Variants in TXNDC8 observed in about 807,000 individuals in gnomAD.
TXNDC8 encodes thioredoxin domain-containing protein 8.
Under a neutral mutation model 12.9 loss-of-function variants are expected in TXNDC8, and 15 were observed. That is an observed-to-expected ratio of 1.16 (90% confidence interval 0.78 to 1.79). TXNDC8 has a LOEUF of 1.79. Among genes scored for constraint, TXNDC8 ranks in the 40% most tolerant of loss-of-function variants. The pLI is 0.00. For synonymous variants in TXNDC8, 40 were observed against 35.4 expected, an observed-to-expected ratio of 1.13 and a Z score of -0.46; for missense variants, 128 against 113.2, an observed-to-expected ratio of 1.13 and a Z score of -0.59.
intron 3 of TXNDC8, among the ~76,000 whole-genome samples, chr9:110,308,100 A>G (rs945745391): frequency 1.3e-5 from 2 of 152,208 alleles, no homozygotes; most frequent in African/African-American, 4.8e-5. Context: ...AGCTAACTTT[A>G]TGGCTCAAAC....
At position 110,329,301 on chromosome 9, in the gene TXNDC8, A is replaced by G. The variant is rs781628451; in HGVS notation, c.130-3061T>C. 1 of 1,597,164 alleles carries G rather than the reference A, an allele frequency of 6.3e-7. No homozygotes were observed. Among genetic ancestry groups the G allele is most frequent in the East Asian group, 2.2e-5 (1 of 44,758 alleles). ...ATTTCACAGACATAGCCTTCAAAAT[A>G]AAAAATAAATATTTCCCATTAGTTT... On this transcript the variant is annotated intron_variant, in intron 2 of 4. Coordinates refer to ENST00000423740, the MANE Select transcript of TXNDC8 (RefSeq NM_001286946.2).
chr9:110,333,344 C>T (rs538974416), intron 2 of TXNDC8, among the ~76,000 whole-genome samples: 58 of 152,300 alleles, frequency 3.8e-4, no homozygotes, highest in Non-Finnish European at 6.9e-4. Flanking sequence ...AGTTGCGCTA[C>T]TTATGAGAAT....
intron 3 of TXNDC8, among the ~76,000 whole-genome samples, chr9:110,307,956 C>G (rs965842873): frequency 6.6e-6 from 1 of 152,218 alleles, no homozygotes; most frequent in African/African-American, 2.4e-5. Flanking sequence ...TCAACCTTGG[C>G]AAAATAAACT....
chr9:110,323,850 A>C, intron 3 of TXNDC8: 1 of 1,547,410 alleles, frequency 6.5e-7, no homozygotes, highest in Non-Finnish European at 8.7e-7. Context: ...ATTCAAATCC[A>C]GTGATATCAA....
intron 3 of TXNDC8, among the ~76,000 whole-genome samples, chr9:110,305,558 CTT>C (rs1216929899): frequency 1.9e-5 from 2 of 104,796 alleles, no homozygotes; most frequent in Admixed American, 9.6e-5. Flanking sequence ...TTCTTTCTTT[CTT>C]TCTTTCTTTC....
intron 3 of TXNDC8, among the ~76,000 whole-genome samples, chr9:110,321,723 TGA>T: frequency 1.9e-5 from 1 of 52,526 alleles, no homozygotes; most frequent in African/African-American, 5.9e-5. Context: ...GTCAGTTCTA[TGA>T]AAAAAAAAAA....
intron 2 of TXNDC8, among the ~76,000 whole-genome samples, chr9:110,330,902 GT>G (rs561175712): frequency 1.3e-4 from 20 of 149,326 alleles, no homozygotes; most frequent in Admixed American, 2.7e-4. Context: ...ATGATTCACT[GT>G]TTTTTTTTTC....
In TXNDC8 at chr9:110,320,534, G is replaced by A. The variant is rs558766588; in HGVS notation, c.195+5641C>T. On this transcript the variant is annotated intron_variant, in intron 3 of 4. Coordinates refer to ENST00000423740, the MANE Select transcript of TXNDC8 (RefSeq NM_001286946.2). ...AGGTGTGTCTTTATTAGCAGCATGA[G>A]AACGGATTAATACAATGGGTCTACA... Among the ~76,000 whole-genome samples the A allele has an allele frequency of 1.3e-3, 193 of 152,254 alleles. 2 individuals are homozygous for A. Among genetic ancestry groups the A allele is most frequent in the African/African-American group, 4.3e-3 (178 of 41,548 alleles).
intron 3 of TXNDC8, among the ~76,000 whole-genome samples, chr9:110,321,226 G>C (rs1839081525): frequency 6.6e-6 from 1 of 152,186 alleles, no homozygotes; most frequent in Non-Finnish European, 1.5e-5. Context: ...GGAGTGCCAG[G>C]AAACTGCTGG....
chr9:110,304,420 A>T (rs767014562), intron 4 of TXNDC8, 47 bp downstream of exon 5: 1 of 1,542,872 alleles, frequency 6.5e-7, no homozygotes, highest in South Asian at 1.2e-5. Context: ...TATTCCTTCA[A>T]AGTAAACCCC....
chr9:110,324,805 G>A (rs111586293), intron 3 of TXNDC8, among the ~76,000 whole-genome samples: 1,875 of 152,224 alleles, frequency 0.012, 31 homozygotes, highest in African/African-American at 0.042. Context: ...CAATGCCCCC[G>A]GCCATGTAAG....
chr9:110,313,713 TAACA>T (rs1355064511), intron 3 of TXNDC8, among the ~76,000 whole-genome samples: 1 of 152,082 alleles, frequency 6.6e-6, no homozygotes, highest in Non-Finnish European at 1.5e-5. Flanking sequence ...AACAAACAAA[TAACA>T]AACAAACAAC....
intron 3 of TXNDC8, among the ~76,000 whole-genome samples, chr9:110,320,666 A>T (rs1839057275): frequency 6.6e-6 from 1 of 152,206 alleles, no homozygotes; most frequent in Admixed American, 6.5e-5. Flanking sequence ...TTTTGTCCGG[A>T]TGGAGACGGT....
At chr9:110,318,460 G>T (rs1226058742) in intron 3 of TXNDC8, among the ~76,000 whole-genome samples, 1 of 152,188 alleles carries the variant, frequency 6.6e-6, no homozygotes, top group Non-Finnish European at 1.5e-5. Flanking sequence ...GGGGTGGCCA[G>T]GCGCGGTTGC....
At chr9:110,308,389 G>T (rs1161366222) in intron 3 of TXNDC8, among the ~76,000 whole-genome samples, 1 of 151,926 alleles carries the variant, frequency 6.6e-6, no homozygotes, top group Non-Finnish European at 1.5e-5. Flanking sequence ...TCTGAATTTG[G>T]GTTTTGTCTT....
rs1456492072 is a variant in TXNDC8 at position 110,327,664 on chromosome 9, T to C, written c.130-1424A>G. On this transcript the variant is annotated intron_variant, in intron 2 of 4. Coordinates refer to ENST00000423740, the MANE Select transcript of TXNDC8 (RefSeq NM_001286946.2). Reference sequence around the variant, plus strand: ...CTATAATATGAATGCACCTTGAAAATGTATGCAGTGAAAGCAGCCAGAGAT... The same window carrying C: ...CTATAATATGAATGCACCTTGAAAACGTATGCAGTGAAAGCAGCCAGAGAT... Among the ~76,000 whole-genome samples, 3 of 152,096 alleles carry C rather than the reference T, an allele frequency of 2.0e-5. 1 individual carries two copies. The highest frequency in any genetic ancestry group is 1.3e-4 in the Admixed American group (2 of 15,266).
chr9:110,323,852 T>G (rs948248499), intron 3 of TXNDC8: 1 of 1,547,634 alleles, frequency 6.5e-7, no homozygotes, highest in African/African-American at 1.4e-5. Context: ...TCAAATCCAG[T>G]GATATCAAAG....
At chr9:110,303,269 C>T (rs374440517), downstream of TXNDC8, among the ~76,000 whole-genome samples, 1 of 152,252 alleles carries the variant, frequency 6.6e-6, no homozygotes, top group African/African-American at 2.4e-5. Flanking sequence ...TTGTGAAGGT[C>T]ATAAAAACAC....
chr9:110,317,447 T>A (rs979083593), intron 3 of TXNDC8, among the ~76,000 whole-genome samples: 13 of 152,220 alleles, frequency 8.5e-5, no homozygotes, highest in African/African-American at 2.4e-4. Flanking sequence ...TTGGGGATGC[T>A]CTGCTCAAGG....
Sources: allele counts gnomAD v4.1 joint callset (sites outside exome capture counted in the v4.1 genomes callset), GRCh38; gene constraint gnomAD v4.1.1; transcripts MANE v1.5; gene names NCBI Gene and HGNC (gene_info 2026-07-23, HGNC 2026-07-21).